VSNL1: variants seen among roughly 807,000 people sequenced by gnomAD.
The protein encoded by VSNL1 is visinin-like protein 1.
Under a neutral mutation model 20.4 loss-of-function variants are expected in VSNL1, and 6 were observed. The ratio of observed to expected loss-of-function variants is 0.29; its 90% confidence interval spans 0.16 to 0.58. The LOEUF (loss-of-function observed/expected upper bound fraction) is 0.58. Among genes scored for constraint, VSNL1 ranks in the 20% least tolerant of loss-of-function variants. The pLI is 0.90. For missense variants in VSNL1, 100 were observed against 234.5 expected, an observed-to-expected ratio of 0.43 and a Z score of 3.75; for synonymous variants, 93 against 86.4, an observed-to-expected ratio of 1.08 and a Z score of -0.42.
intron 2 of VSNL1, among the ~76,000 whole-genome samples, chr2:17,607,290 G>T (rs926900492): frequency 6.6e-6 from 1 of 152,216 alleles, no homozygotes; most frequent in South Asian, 2.1e-4. Flanking sequence ...AAGAGGGCTA[G>T]TAATCCCTGC....
At chr2:17,605,239 C>T (rs1236924994) in intron 2 of VSNL1, among the ~76,000 whole-genome samples, 3 of 152,220 alleles carry the variant, frequency 2.0e-5, no homozygotes, top group Non-Finnish European at 4.4e-5. Context: ...GATTATGCAG[C>T]AAAGATCCTT....
intron 2 of VSNL1, among the ~76,000 whole-genome samples, chr2:17,609,688 G>A (rs1163051123): frequency 6.6e-6 from 1 of 152,210 alleles, no homozygotes; most frequent in East Asian, 1.9e-4. Flanking sequence ...GGCTGGACCT[G>A]ACAGCTTCCC....
Position 17,655,156 on chromosome 2 carries a change from G to C in VSNL1, c.379-41G>C. On this transcript the variant is annotated intron_variant, in intron 3 of 3. Transcript: ENST00000295156. The surrounding 1 kb of genome is among the most constrained non-coding windows in gnomAD (Gnocchi z 5.2). ...GGCAAGAAGAGCTCTCTGTCCTCCT[G>C]GGTTTCTGGTAATATCACCTACAAT... 1 of 1,602,486 alleles carries C rather than the reference G, an allele frequency of 6.2e-7. No homozygotes were observed. Among genetic ancestry groups the C allele is most frequent in the Middle Eastern group, 2.0e-4 (1 of 5,112 alleles).
intron 1 of VSNL1, among the ~76,000 whole-genome samples, chr2:17,571,623 A>G (rs1418954037): frequency 6.6e-6 from 1 of 152,238 alleles, no homozygotes; most frequent in East Asian, 1.9e-4. Context: ...CACCAGGGAC[A>G]ATTCTAGGTA....
chr2:17,642,530 G>C (rs186354121), intron 2 of VSNL1, among the ~76,000 whole-genome samples: 1 of 151,704 alleles, frequency 6.6e-6, no homozygotes, highest in African/African-American at 2.4e-5. Flanking sequence ...GGATGGTCTC[G>C]ATCTCTTGAC....
intron 2 of VSNL1, among the ~76,000 whole-genome samples, chr2:17,622,789 C>T (rs969941082): frequency 5.3e-5 from 8 of 152,170 alleles, no homozygotes; most frequent in African/African-American, 1.9e-4. Context: ...AACAGGGGGC[C>T]TTGCCAACAA....
chr2:17,580,891 C>T (rs537259268), intron 1 of VSNL1, among the ~76,000 whole-genome samples: 15 of 152,236 alleles, frequency 9.9e-5, no homozygotes, highest in Admixed American at 6.5e-4. Context: ...GTTATATGCT[C>T]ATTATAAAGA....
At chr2:17,628,373 G>A (rs769792240) in intron 2 of VSNL1, among the ~76,000 whole-genome samples, 1 of 151,828 alleles carries the variant, frequency 6.6e-6, no homozygotes, top group Non-Finnish European at 1.5e-5. Flanking sequence ...AGGAGGGAGT[G>A]CATGATAAAA....
chr2:17,592,015 A>G, intron 1 of VSNL1, 55 bp from the exon 2 acceptor site: 5 of 1,605,612 alleles, frequency 3.1e-6, no homozygotes, highest in Non-Finnish European at 4.3e-6. Flanking sequence ...GCTCCTAACC[A>G]AGTTTGAAAT....
At chr2:17,552,199 C>CA (rs34120285) in intron 1 of VSNL1, among the ~76,000 whole-genome samples, 63,918 of 119,038 alleles carry the variant, frequency 0.54, 16,949 homozygotes, top group South Asian at 0.76. Flanking sequence ...GATTCCATCT[C>CA]AAAAAAAAAA....
At chr2:17,561,177 T>C (rs1173611135) in intron 1 of VSNL1, among the ~76,000 whole-genome samples, 2 of 152,164 alleles carry the variant, frequency 1.3e-5, no homozygotes, top group African/African-American at 2.4e-5. Context: ...GATTAAAAAT[T>C]GATCAGTCTG....
upstream of VSNL1, chr2:17,540,164 C>G (rs1663244802): frequency 5.3e-5 from 8 of 152,378 alleles, no homozygotes; most frequent in Admixed American, 5.2e-4. Context: ...CCACCATAAC[C>G]GTTCCTTCAG....
intron 2 of VSNL1, among the ~76,000 whole-genome samples, chr2:17,593,948 C>A (rs1365853820): frequency 6.6e-6 from 1 of 152,220 alleles, no homozygotes; most frequent in Non-Finnish European, 1.5e-5. Context: ...TTCAAAGTCA[C>A]TTTCATATCA....
At chr2:17,622,734 A>T (rs180905731) in intron 2 of VSNL1, among the ~76,000 whole-genome samples, 47 of 152,324 alleles carry the variant, frequency 3.1e-4, no homozygotes, top group African/African-American at 1.1e-3. Flanking sequence ...AGGAAAATGG[A>T]ATTCACTGGG....
chr2:17,619,130 C>T (rs757033740), intron 2 of VSNL1, among the ~76,000 whole-genome samples: 8 of 152,230 alleles, frequency 5.3e-5, no homozygotes, highest in Non-Finnish European at 1.2e-4. Context: ...AGGCTGCCAT[C>T]TCCCCAGTTT....
chr2:17,569,919 T>C (rs1342760962), intron 1 of VSNL1, among the ~76,000 whole-genome samples: 1 of 152,222 alleles, frequency 6.6e-6, no homozygotes, highest in South Asian at 2.1e-4. Flanking sequence ...TTTGGGGAAA[T>C]AGTACAAACT....
chr2:17,559,358 T>G (rs1271939012), intron 1 of VSNL1, among the ~76,000 whole-genome samples: 1 of 151,894 alleles, frequency 6.6e-6, no homozygotes, highest in South Asian at 2.1e-4. Context: ...CAATAAATAT[T>G]TAATGTAGAT....
At position 17,586,347 on chromosome 2, in the gene VSNL1, G is replaced by C. The variant is rs1011582918; in HGVS notation, c.-5-5723G>C. 5.9e-5 allele frequency among the ~76,000 whole-genome samples: 9 copies of C among 152,194 alleles called. 1 individual carries two copies. Among genetic ancestry groups the C allele is most frequent in the African/African-American group, 2.2e-4 (9 of 41,448 alleles). On this transcript the variant is annotated intron_variant, in intron 1 of 3. Coordinates refer to ENST00000295156, the MANE Select transcript of VSNL1 (RefSeq NM_003385.5). ...TAAATGTACAGATTTCCCTGCAAGG[G>C]ATCAACCCACTAAGCTGTATTTTTA...
At chr2:17,550,676 G>A (rs1663513202) in intron 1 of VSNL1, among the ~76,000 whole-genome samples, 1 of 152,162 alleles carries the variant, frequency 6.6e-6, no homozygotes, top group Non-Finnish European at 1.5e-5. Context: ...AGACCAACAG[G>A]AGAAACTAAA....
Sources: allele counts gnomAD v4.1 joint callset (sites outside exome capture counted in the v4.1 genomes callset), GRCh38; gene constraint gnomAD v4.1.1; non-coding constraint Gnocchi (gnomAD v3.1); transcripts MANE v1.5; gene names NCBI Gene and HGNC (gene_info 2026-07-23, HGNC 2026-07-21).